The following CDA variants were observed in gnomAD, a reference collection of about 807,000 sequenced individuals.
CDA encodes the protein cytidine deaminase.
In CDA, 7 loss-of-function variants were observed where a neutral mutation model predicts 15.0. The ratio of observed to expected loss-of-function variants is 0.47; its 90% CI spans 0.26 to 0.87. CDA has a LOEUF of 0.87. CDA is among the 40% of genes least tolerant of loss of function. The probability of loss-of-function intolerance (pLI) is 0.15; values close to 1 mark genes in which losing one functional copy is unlikely to be tolerated. For missense variants in CDA, 159 were observed against 182.7 expected (o/e 0.87, Z 0.75); for synonymous variants, 58 against 73.0 (o/e 0.79, Z 1.05).
intron 2 of CDA, among the ~76,000 whole-genome samples, chr1:20,610,269 T>TA (rs35770611): frequency 0.41 from 50,753 of 123,394 alleles, 9,546 homozygotes; most frequent in Middle Eastern, 0.5. Context: ...ATCTTTTTTT[T>TA]TTTTATTTTA....
intron 2 of CDA, among the ~76,000 whole-genome samples, chr1:20,609,980 A>G (rs1246580072): frequency 6.6e-6 from 1 of 152,194 alleles, no homozygotes; most frequent in Non-Finnish European, 1.5e-5. Context: ...TGAGGATTAG[A>G]GAAAATAGCA....
intron 1 of CDA, among the ~76,000 whole-genome samples, chr1:20,604,356 T>C (rs2052674164): frequency 6.6e-6 from 1 of 152,222 alleles, no homozygotes; most frequent in Non-Finnish European, 1.5e-5. Flanking sequence ...CTCCTTGCTA[T>C]GTCCTCATGC....
Position 20,613,828 on chromosome 1 carries a change from C to A in CDA, c.267-14C>A. The A allele has an allele frequency of 6.2e-7, 1 of 1,613,266 alleles. No individual in the cohort carries two copies. The highest frequency in any genetic ancestry group is 8.5e-7 in the Non-Finnish European group (1 of 1,179,264). Reference sequence around the variant, plus strand: ...GGGAGAGACTAATTTGAGTTTGATTCTTTGCTTCCCCAGTGACATGCAAGA... The same window carrying A: ...GGGAGAGACTAATTTGAGTTTGATTATTTGCTTCCCCAGTGACATGCAAGA... On this transcript the variant is annotated splice_polypyrimidine_tract_variant and intron_variant, in intron 2 of 3. Transcript: ENST00000375071.
intron 1 of CDA, among the ~76,000 whole-genome samples, chr1:20,599,927 C>G (rs900898524): frequency 1.3e-5 from 2 of 152,154 alleles, no homozygotes; most frequent in African/African-American, 2.4e-5. Context: ...ACAAATGAAG[C>G]CAGTGAGCCT....
chr1:20,596,034 A>G (rs1211870066), intron 1 of CDA, among the ~76,000 whole-genome samples: 2 of 152,120 alleles, frequency 1.3e-5, no homozygotes. Context: ...CTGTAATCCC[A>G]GCTGCTCAGG....
At chr1:20,608,254 G>A (rs1193540399) in intron 2 of CDA, among the ~76,000 whole-genome samples, 1 of 152,170 alleles carries the variant, frequency 6.6e-6, no homozygotes, top group Non-Finnish European at 1.5e-5. Context: ...CCGCATTATG[G>A]ACCTTGGGCA....
chr1:20,617,447 C>T (rs1336088169), intron 3 of CDA, among the ~76,000 whole-genome samples: 1 of 152,168 alleles, frequency 6.6e-6, no homozygotes, highest in African/African-American at 2.4e-5. Context: ...TCCCACATGT[C>T]ATGGGAGGGA....
chr1:20,609,051 T>A (rs761751372), intron 2 of CDA, among the ~76,000 whole-genome samples: 1 of 152,192 alleles, frequency 6.6e-6, no homozygotes, highest in Non-Finnish European at 1.5e-5. Context: ...GGAAACACTA[T>A]CCTGCGACTT....
chr1:20,598,477 C>A (rs926430057), intron 1 of CDA, among the ~76,000 whole-genome samples: 1 of 152,214 alleles, frequency 6.6e-6, no homozygotes, highest in African/African-American at 2.4e-5. Flanking sequence ...TGGGATATTA[C>A]GTTACAGCAG....
intron 1 of CDA, among the ~76,000 whole-genome samples, chr1:20,596,712 TG>T (rs1283377939): frequency 6.6e-6 from 1 of 150,588 alleles, no homozygotes. Flanking sequence ...TCTGGGTGGC[TG>T]GGCCCAAATA....
Position 20,600,815 on chromosome 1 carries a change from C to T in CDA, c.155-4113C>T, listed in dbSNP as rs910894065. On this transcript the variant is annotated intron_variant, in intron 1 of 3. Transcript: ENST00000375071. ...GTCATTTCAGGTGAGGATCAGGAAC[C>T]TGGCTGGGGAGACAAGGTGGGGAGC... is the stretch of plus-strand genomic sequence containing the variant. 4.0e-5 allele frequency among the ~76,000 whole-genome samples: 6 copies of T among 151,680 alleles called. No individual in the cohort carries two copies. The South Asian group carries it at 1.3e-3, about 32-fold the overall frequency.
intron 3 of CDA, among the ~76,000 whole-genome samples, chr1:20,617,158 T>A (rs973995562): frequency 1.3e-5 from 2 of 152,142 alleles, no homozygotes; most frequent in Non-Finnish European, 2.9e-5. Flanking sequence ...AACCATTCCA[T>A]GGACCAAGAC....
At chr1:20,590,148 C>T (rs767651984) in intron 1 of CDA, among the ~76,000 whole-genome samples, 5 of 152,138 alleles carry the variant, frequency 3.3e-5, no homozygotes, top group Non-Finnish European at 7.3e-5. Flanking sequence ...TCGGGTGTGA[C>T]TTGCCTGGGT....
In CDA at chr1:20,618,721, C is replaced by A; in HGVS notation, c.*153C>A. ...ATTACACTCCAGCCTGAGTCAGCACCCCTCCTAGCAACCTGCCTTGGGACT... is the reference window on the plus strand; with the variant it reads ...ATTACACTCCAGCCTGAGTCAGCACACCTCCTAGCAACCTGCCTTGGGACT... On this transcript the variant is annotated 3_prime_UTR_variant, in exon 4 of 4. Coordinates refer to ENST00000375071, the MANE Select transcript of CDA (RefSeq NM_001785.3). 1.5e-6 allele frequency: 1 copy of A among 667,512 alleles called. No homozygotes were observed. The highest frequency in any genetic ancestry group is 2.7e-6 in the Non-Finnish European group (1 of 364,582). The allele number at this position is 667,512 out of a possible 1,614,324, so 41.3% of individuals were successfully genotyped here. A position where few individuals can be genotyped will look rare whatever the true frequency, so the allele number is the denominator to read the frequency against.
intron 1 of CDA, among the ~76,000 whole-genome samples, chr1:20,592,321 A>G (rs2052556586): frequency 6.6e-6 from 1 of 152,204 alleles, no homozygotes; most frequent in East Asian, 1.9e-4. Flanking sequence ...GCTTTAAATG[A>G]GTAAATGCTT....
chr1:20,607,686 C>T (rs1172895836), intron 2 of CDA, among the ~76,000 whole-genome samples: 2 of 152,160 alleles, frequency 1.3e-5, no homozygotes, highest in African/African-American at 2.4e-5. Flanking sequence ...TACACAAAAC[C>T]TGCCATTTTT....
chr1:20,617,992 C>T (rs976208288), intron 3 of CDA, among the ~76,000 whole-genome samples: 3 of 152,056 alleles, frequency 2.0e-5, no homozygotes, highest in Non-Finnish European at 2.9e-5. Context: ...CCACAACACC[C>T]GGCCTAAACC....
At chr1:20,596,712 T>C (rs2052593941) in intron 1 of CDA, among the ~76,000 whole-genome samples, 1 of 150,590 alleles carries the variant, frequency 6.6e-6, no homozygotes, top group African/African-American at 2.4e-5. Context: ...TCTGGGTGGC[T>C]GGGCCCAAAT....
At chr1:20,614,255 C>G (rs2052782861) in intron 3 of CDA, among the ~76,000 whole-genome samples, 1 of 151,682 alleles carries the variant, frequency 6.6e-6, no homozygotes, top group African/African-American at 2.4e-5. Context: ...AGTGGCGTTT[C>G]TGAGTCAAGA....
Sources: allele counts gnomAD v4.1 joint callset (sites outside exome capture counted in the v4.1 genomes callset), GRCh38; gene constraint gnomAD v4.1.1; transcripts MANE v1.5; gene names NCBI Gene and HGNC (gene_info 2026-07-23, HGNC 2026-07-21).